The following THY1 variants were observed in gnomAD, a reference collection of about 807,000 sequenced individuals.
THY1 encodes the protein Thy-1 cell surface antigen, also known as thy-1 membrane glycoprotein.
In THY1, 10 loss-of-function variants were observed where a neutral mutation model predicts 14.9. The observed-to-expected ratio is 0.67, with a 90% confidence interval of 0.41 to 1.14. The LOEUF (loss-of-function observed/expected upper bound fraction) is 1.14, where lower values mean the gene tolerates loss of function less well. THY1 is among the 50% of genes most tolerant of loss of function. The probability of loss-of-function intolerance (pLI) is 0.00; values close to 1 mark genes in which losing one functional copy is unlikely to be tolerated. For missense variants in THY1, 159 were observed against 202.1 expected (o/e 0.79, Z 1.29); for synonymous variants, 80 against 90.0 (o/e 0.89, Z 0.63).
At chr11:119,420,560 C>A (rs1046681378) in intron 2 of THY1, 174 bp from the exon 3 acceptor site, 15 of 670,290 alleles carry the variant, frequency 2.2e-5, no homozygotes, top group Non-Finnish European at 3.0e-5. Context: ...CCTCCCTCCC[C>A]ACTCTGCTTG....
chr11:119,423,439 C>T (rs187663323), upstream of THY1: 48 of 352,904 alleles, frequency 1.4e-4, no homozygotes, highest in Middle Eastern at 1.0e-3. Context: ...GCCCAAAGAA[C>T]ATTATCCTCC....
rs1861812704 is a variant in THY1, at chr11:119,418,084, A to T, written c.*1324T>A. The T allele has an allele frequency of 1.3e-5, 2 of 152,426 alleles. No homozygotes were observed. Among genetic ancestry groups the T allele is most frequent in the Admixed American group, 6.5e-5 (1 of 15,286 alleles). The allele number at this position is 152,426 out of a possible 1,614,324, so 9.4% of individuals were successfully genotyped here. On this transcript the variant is annotated 3_prime_UTR_variant, in exon 4 of 4. Coordinates refer to ENST00000284240, the MANE Select transcript of THY1 (RefSeq NM_006288.5). ...TGGGGAGAAGTCAGGGAAGAGGAAGAGGTGGCGTTCCCCAGCCTCACCCGT... is the reference window on the plus strand; with the variant it reads ...TGGGGAGAAGTCAGGGAAGAGGAAGTGGTGGCGTTCCCCAGCCTCACCCGT...
Position 119,420,387 on chromosome 11 carries a change from C to A in THY1, c.38-1G>T. ...TTCTGCCCTCGGGAGACCTGCAAGA[C>A]TGGCACCAGCAGTGCCTCCTTCAAA... On this transcript the variant is annotated splice_acceptor_variant, in intron 2 of 3. Coordinates refer to ENST00000284240, the MANE Select transcript of THY1 (RefSeq NM_006288.5). LOFTEE classifies it high-confidence loss of function. 1 of 1,605,574 alleles carries A rather than the reference C, an allele frequency of 6.2e-7. No individual in the cohort carries two copies. Among genetic ancestry groups the A allele is most frequent in the Non-Finnish European group, 8.5e-7 (1 of 1,176,608 alleles).
chr11:119,420,159 G>A lies in THY1; in HGVS notation c.265C>T (p.Leu89Phe), dbSNP rs551289954. The A allele has an allele frequency of 5.4e-5, 87 of 1,614,266 alleles. No homozygotes were observed. In the South Asian group the frequency reaches 9.1e-4, roughly 17 times the overall value. ...TTGCTAGTGAAGGCGGATAAGTAGA[G>A]GACCTTCATGTTGTATTTGCTGGTG... ...NFTSKYNMKV[L>F]YLSAFTSKDE... is the part of the protein sequence containing the mutation. The change falls in exon 3 of 4, where the codon CTC becomes TTC. Residue 89 changes from leucine (L) to phenylalanine (F), a missense_variant. Physicochemically the swap from Leu to Phe is conservative, Grantham distance 22. Transcript: ENST00000284240.
rs1316325151 is a variant in THY1 at position 119,416,536 on chromosome 11, G to A, written c.*2872C>T. Among the ~76,000 whole-genome samples the A allele has an allele frequency of 1.3e-5, 2 of 152,148 alleles. No individual in the cohort carries two copies. The highest frequency in any genetic ancestry group is 2.4e-5 in the African/African-American group (1 of 41,430). On this transcript the variant is annotated 3_prime_UTR_variant, in exon 4 of 4. Transcript: ENST00000284240. ...ATCTCCCAGGCTGGAGTGCAGTGGT[G>A]CAATCTTGGCTCACTGCAACCTCCG...
chr11:119,419,817 G>A (rs932436489), intron 3 of THY1: 6 of 613,826 alleles, frequency 9.8e-6, no homozygotes, highest in African/African-American at 7.4e-5. Flanking sequence ...GATTAGGGAG[G>A]CCAAAGGCCT....
At chr11:119,424,334 G>C (rs984733292), upstream of THY1, among the ~76,000 whole-genome samples, 1 of 152,130 alleles carries the variant, frequency 6.6e-6, no homozygotes, top group African/African-American at 2.4e-5. Context: ...ACGTTTATTT[G>C]ATTGATTTGT....
rs1166655270 is a variant in THY1, at chr11:119,416,484, T to C, written c.*2924A>G. 2.0e-5 allele frequency among the ~76,000 whole-genome samples: 3 copies of C among 152,180 alleles called. No individual in the cohort carries two copies. Among genetic ancestry groups the C allele is most frequent in the Admixed American group, 2.0e-4 (3 of 15,278 alleles). Reference sequence around the variant, plus strand: ...TTCCGGGTAGGTTTATTTTATTTTTTATTTTTTTGAGATGGAGTCTCACTC... The same window carrying C: ...TTCCGGGTAGGTTTATTTTATTTTTCATTTTTTTGAGATGGAGTCTCACTC... On this transcript the variant is annotated 3_prime_UTR_variant, in exon 4 of 4. Coordinates refer to ENST00000284240, the MANE Select transcript of THY1 (RefSeq NM_006288.5).
chr11:119,423,604 ACCTCCTCCGGAGCCTCCAG>A, upstream of THY1: 1 of 200,342 alleles, frequency 5.0e-6, no homozygotes, highest in South Asian at 8.1e-5. Flanking sequence ...GCTGGAGCCC[ACCTCCTCCGGAGCCTCCAG>A]TGAGAAGTTT....
At chr11:119,423,346 G>C (rs987530254), upstream of THY1, 66 of 372,098 alleles carry the variant, frequency 1.8e-4, no homozygotes, top group Non-Finnish European at 4.9e-5. Context: ...GGCAGGTTGC[G>C]GCGGAAGGGG....
At position 119,422,790 on chromosome 11, in the gene THY1, C is replaced by T. The variant is rs1343584162; in HGVS notation, c.-25+323G>A. Among the ~76,000 whole-genome samples, 1 of 152,178 alleles carries T rather than the reference C, an allele frequency of 6.6e-6. No homozygotes were observed. Among genetic ancestry groups the T allele is most frequent in the Non-Finnish European group, 1.5e-5 (1 of 68,036 alleles). On this transcript the variant is annotated intron_variant, in intron 1 of 3. Coordinates refer to ENST00000284240, the MANE Select transcript of THY1 (RefSeq NM_006288.5). This position sits in a 1 kb window ranked among gnomAD's most constrained non-coding sequence, Gnocchi z 7.0. ...CGCCTCTGCGAGCTGGGTTTGGGGACGTCTGGGTGGAATGTAGACCCACAG... is the reference window on the plus strand; with the variant it reads ...CGCCTCTGCGAGCTGGGTTTGGGGATGTCTGGGTGGAATGTAGACCCACAG...
At position 119,422,859 on chromosome 11, in the gene THY1, C is replaced by G. The variant is rs1861936782; in HGVS notation, c.-25+254G>C. ...CCTCCCTGTTCTCCAGCGCCCCAGC[C>G]CCAGACACCAGTCCCCCAGCGGGCG... is the stretch of plus-strand genomic sequence containing the variant. On this transcript the variant is annotated intron_variant, in intron 1 of 3. Transcript: ENST00000284240. This position sits in a 1 kb window ranked among gnomAD's most constrained non-coding sequence, Gnocchi z 7.0. Among the ~76,000 whole-genome samples the G allele has an allele frequency of 6.6e-6, 1 of 152,240 alleles. No individual in the cohort carries two copies. Among genetic ancestry groups the G allele is most frequent in the South Asian group, 2.1e-4 (1 of 4,838 alleles).
chr11:119,421,277 T>C (rs934080573), intron 1 of THY1: 2 of 187,228 alleles, frequency 1.1e-5, no homozygotes, highest in Admixed American at 1.2e-4. Flanking sequence ...GCTTCGTATT[T>C]AAAAAAAAAA....
chr11:119,420,482 G>T, intron 2 of THY1, 96 bp from the exon 3 acceptor site: 2 of 1,237,664 alleles, frequency 1.6e-6, no homozygotes, highest in Non-Finnish European at 2.2e-6. Flanking sequence ...CTAGGGAGGG[G>T]ACCGGGGTCT....
chr11:119,423,288 T>TGG, upstream of THY1: 1 of 103,552 alleles, frequency 9.7e-6, no homozygotes, highest in Non-Finnish European at 1.8e-5. Flanking sequence ...CAGGGTGGGG[T>TGG]GGGGGGTGGG....
At chr11:119,423,470 T>G (rs938717774), upstream of THY1, 12 of 347,230 alleles carry the variant, frequency 3.5e-5, no homozygotes, top group South Asian at 6.4e-5. Flanking sequence ...CCGCAATGGT[T>G]GTTCCCCTTT....
At position 119,419,022 on chromosome 11, in the gene THY1, G is replaced by A. The variant is rs903032749; in HGVS notation, c.*386C>T. The A allele has an allele frequency of 1.9e-5, 6 of 323,926 alleles. No homozygotes were observed. Among genetic ancestry groups the A allele is most frequent in the Admixed American group, 4.1e-5 (1 of 24,616 alleles). The allele number at this position is 323,926 out of a possible 1,614,324, so 20.1% of individuals were successfully genotyped here. ...AAGTCTCTCCCAGGTTTCTGGTCCC[G>A]ATGGGCAAGGATGACCCCTCCAGTG... On this transcript the variant is annotated 3_prime_UTR_variant, in exon 4 of 4. Transcript: ENST00000284240.
At chr11:119,424,749 T>C (rs1407681548), upstream of THY1, 1 of 152,082 alleles carries the variant, frequency 6.6e-6, no homozygotes, top group Admixed American at 6.6e-5. Context: ...CTCTAACACA[T>C]GATCTGGTAA....
intron 1 of THY1, chr11:119,421,277 T>TA (rs3834923): frequency 8.2e-4 from 153 of 186,978 alleles, no homozygotes; most frequent in Middle Eastern, 2.0e-3. Context: ...GCTTCGTATT[T>TA]AAAAAAAAAA....
Sources: gnomAD v4.1 joint callset for allele counts (sites outside exome capture counted in the v4.1 genomes callset) on GRCh38, gnomAD v4.1.1 for gene constraint, Gnocchi (gnomAD v3.1) non-coding constraint, MANE v1.5 for transcripts, NCBI Gene and HGNC (gene_info 2026-07-23, HGNC 2026-07-21) for gene names.